Variants in HACD4 observed in about 807,000 individuals in gnomAD.
HACD4 encodes 3-hydroxyacyl-CoA dehydratase 4, also known as very-long-chain (3R)-3-hydroxyacyl-CoA dehydratase 4.
Under a neutral mutation model 33.3 loss-of-function variants are expected in HACD4, and 35 were observed. The ratio of observed to expected loss-of-function variants is 1.05; its 90% CI spans 0.80 to 1.39. The LOEUF (loss-of-function observed/expected upper bound fraction) is 1.39. Among genes scored for constraint, HACD4 ranks in the 40% most tolerant of loss-of-function variants. HACD4 has a pLI of 0.00. For synonymous variants in HACD4, 118 were observed against 98.0 expected (o/e 1.20, Z -1.21); for missense variants, 323 against 276.5 (o/e 1.17, Z -1.19).
chr9:21,008,130 T>A lies in HACD4; in HGVS notation c.507A>T (p.Gln169His). The A allele has an allele frequency of 6.2e-7, 1 of 1,606,292 alleles. No homozygotes were observed. Among genetic ancestry groups the A allele is most frequent in the African/African-American group, 1.3e-5 (1 of 74,540 alleles). The change falls in exon 6 of 7, where the codon CAA becomes CAT. Residue 169 changes from glutamine to histidine, a missense_variant. By Grantham distance (24) the Gln-to-His change is conservative. Coordinates refer to ENST00000495827, the MANE Select transcript of HACD4 (RefSeq NM_001010915.5). ...CAAATGATTCAAAATAAGGCAGCGATTGATAGATGGCAAATGCTGTTAAAA... is the reference window on the plus strand; with the variant it reads ...CAAATGATTCAAAATAAGGCAGCGAATGATAGATGGCAAATGCTGTTAAAA... ...CVLAEAFAIY[Q>H]SLPYFESFGT... is the part of the protein sequence containing the mutation.
intron 6 of HACD4, 126 bp downstream of exon 6, chr9:21,007,895 G>A (rs1842308462): frequency 1.3e-6 from 1 of 769,880 alleles, no homozygotes; most frequent in Non-Finnish European, 1.9e-6. Context: ...GCAAGATCTA[G>A]TTCATGATGT....
At chr9:21,027,099 C>T (rs1204543539) in intron 2 of HACD4, among the ~76,000 whole-genome samples, 1 of 152,176 alleles carries the variant, frequency 6.6e-6, no homozygotes, top group Non-Finnish European at 1.5e-5. Context: ...ACACTATGTG[C>T]TCACAGCTTC....
intron 4 of HACD4, among the ~76,000 whole-genome samples, chr9:21,013,660 CTTTAA>C (rs904306450): frequency 6.6e-6 from 1 of 152,094 alleles, no homozygotes; most frequent in Non-Finnish European, 1.5e-5. Flanking sequence ...TTATTTAGCT[CTTTAA>C]TTTTTTTCAA....
intron 1 of HACD4, among the ~76,000 whole-genome samples, chr9:21,030,270 A>G (rs1350370099): frequency 4.6e-5 from 1 of 21,918 alleles, no homozygotes; most frequent in Non-Finnish European, 1.7e-4. Flanking sequence ...GGCAACTTAC[A>G]AAAAAAAAAA....
At chr9:21,007,212 A>G in intron 6 of HACD4, 93 bp from the exon 7 acceptor site, 1 of 732,590 alleles carries the variant, frequency 1.4e-6, no homozygotes, top group African/African-American at 1.7e-5. Flanking sequence ...GTGCTGCCCA[A>G]ATCCAGGGAG....
Position 21,000,446 on chromosome 9 carries a change from G to C in HACD4, c.*6591C>G, listed in dbSNP as rs1178337374. 6.6e-6 allele frequency: 1 copy of C among 152,104 alleles called. No homozygotes were observed. The highest frequency in any genetic ancestry group is 2.4e-5 in the African/African-American group (1 of 41,436). The allele number at this position is 152,104 out of a possible 1,614,324, so 9.4% of individuals were successfully genotyped here. On this transcript the variant is annotated 3_prime_UTR_variant, in exon 7 of 7. Transcript: ENST00000495827. ...GTTCTCAAACTTTTCTGTGCATGAG[G>C]CTCATTTGAGGAGTCTATCAAAAGG...
In HACD4 at chr9:21,015,975, G is replaced by C. The variant is rs1442888446; in HGVS notation, c.306C>G (p.Ile102Met). ...TERIIILFVV[I>M]TSQEEVQEKY... ...TCTCTTGGACTTCCTCTTGACTGGT[G>C]ATCACCACAAAAAGGATGATTATTC... The change falls in exon 4 of 7, where the codon ATC (isoleucine) becomes ATG (methionine). Residue 102 changes from isoleucine to methionine, a missense_variant. By Grantham distance (10) the Ile-to-Met change is conservative. Transcript: ENST00000495827. The C allele has an allele frequency of 4.3e-6, 7 of 1,612,662 alleles. No homozygotes were observed. Among genetic ancestry groups the C allele is most frequent in the Non-Finnish European group, 5.9e-6 (7 of 1,179,146 alleles).
chr9:21,000,137 T>A lies in HACD4; in HGVS notation c.*6900A>T, dbSNP rs1377327396. On this transcript the variant is annotated 3_prime_UTR_variant, in exon 7 of 7. Transcript: ENST00000495827. ...TGAAGTAACAATAGACACCTACATG[T>A]ATGTGATGAATTAAGGCATACTTTT... 1 of 152,156 alleles carries A rather than the reference T, an allele frequency of 6.6e-6. No individual in the cohort carries two copies. The highest frequency in any genetic ancestry group is 1.5e-5 in the Non-Finnish European group (1 of 68,010). The allele number at this position is 152,156 out of a possible 1,614,324, so 9.4% of individuals were successfully genotyped here. A position where few individuals can be genotyped will look rare whatever the true frequency, so the allele number is the denominator to read the frequency against.
rs1238248098 is a variant in HACD4 at position 21,008,149 on chromosome 9, G to A, written c.491-3C>T. On this transcript the variant is annotated splice_region_variant and splice_polypyrimidine_tract_variant and intron_variant, in intron 5 of 6. Coordinates refer to ENST00000495827, the MANE Select transcript of HACD4 (RefSeq NM_001010915.5). ...CAGCGATTGATAGATGGCAAATGCT[G>A]TTAAAAAAGAAAGGCATCATAAAGG... The A allele has an allele frequency of 1.9e-6, 3 of 1,602,884 alleles. No homozygotes were observed. The highest frequency in any genetic ancestry group is 1.7e-5 in the Admixed American group (1 of 57,994).
intron 3 of HACD4, among the ~76,000 whole-genome samples, chr9:21,024,019 C>T (rs1230844851): frequency 1.3e-5 from 2 of 152,236 alleles, no homozygotes; most frequent in East Asian, 3.8e-4. Context: ...AGAATGATTA[C>T]ACAATCTGAA....
Position 21,015,783 on chromosome 9 carries a change from G to T in HACD4, c.383+115C>A, listed in dbSNP as rs1842540822. On this transcript the variant is annotated intron_variant, in intron 4 of 6. Transcript: ENST00000495827. Reference sequence around the variant, plus strand: ...TTTCCATATCAAGATAAAATAATTTGAAAAGGGGTTATGTTTTCCTCTCTC... The same window carrying T: ...TTTCCATATCAAGATAAAATAATTTTAAAAGGGGTTATGTTTTCCTCTCTC... The T allele has an allele frequency of 1.0e-5, 6 of 573,326 alleles. No homozygotes were observed. In the Admixed American group the frequency reaches 1.3e-4, roughly 12 times the overall value. The allele number at this position is 573,326 out of a possible 1,614,324, so 35.5% of individuals were successfully genotyped here.
chr9:21,009,603 G>C (rs1402185340), intron 5 of HACD4, among the ~76,000 whole-genome samples: 3 of 152,060 alleles, frequency 2.0e-5, no homozygotes, highest in Non-Finnish European at 4.4e-5. Context: ...GTGATATTTT[G>C]ATATATGTGT....
At chr9:21,011,066 G>T (rs1238225631) in intron 5 of HACD4, among the ~76,000 whole-genome samples, 1 of 152,104 alleles carries the variant, frequency 6.6e-6, no homozygotes, top group Non-Finnish European at 1.5e-5. Context: ...TAGTTTGGGG[G>T]CCCCTGCTAT....
At position 21,000,317 on chromosome 9, in the gene HACD4, AAAT is replaced by A. The variant is rs1842148280; in HGVS notation, c.*6717_*6719del. The A allele has an allele frequency of 6.6e-6, 1 of 152,212 alleles. No homozygotes were observed. The highest frequency in any genetic ancestry group is 1.5e-5 in the Non-Finnish European group (1 of 68,024). 9.4% of individuals were successfully genotyped at this position (152,212 alleles called of 1,614,324 possible). On this transcript the variant is annotated 3_prime_UTR_variant, in exon 7 of 7. Transcript: ENST00000495827. ...ATTTAAGGATTTTTAAAGCCATAAAAAATCATCCCTGTTCTGAAAACATTGGTG... is the reference window on the plus strand; with the variant it reads ...ATTTAAGGATTTTTAAAGCCATAAAACATCCCTGTTCTGAAAACATTGGTG...
At chr9:21,025,617 A>C (rs1015652385) in intron 3 of HACD4, among the ~76,000 whole-genome samples, 20 of 152,334 alleles carry the variant, frequency 1.3e-4, no homozygotes, top group Middle Eastern at 3.4e-3. Flanking sequence ...AGAAAGGGAC[A>C]ACTATATGAG....
chr9:21,023,672 T>C (rs1334831685), intron 3 of HACD4, among the ~76,000 whole-genome samples: 3 of 151,840 alleles, frequency 2.0e-5, no homozygotes, highest in Non-Finnish European at 4.4e-5. Flanking sequence ...CCTCCAGGGT[T>C]CAAGTGATTC....
intron 3 of HACD4, among the ~76,000 whole-genome samples, chr9:21,022,337 C>A (rs1373381619): frequency 6.6e-6 from 1 of 152,170 alleles, no homozygotes; most frequent in East Asian, 1.9e-4. Flanking sequence ...ATGACTAAAA[C>A]ACCAAAAGCA....
chr9:21,029,546 T>A, intron 1 of HACD4, 148 bp from the exon 2 acceptor site: 1 of 475,676 alleles, frequency 2.1e-6, no homozygotes, highest in Non-Finnish European at 3.8e-6. Context: ...CCCAAGTACA[T>A]ATCAGATTTT....
rs567957799 is a variant in HACD4, at chr9:21,008,234, T to A, written c.491-88A>T. The A allele has an allele frequency of 2.7e-5, 31 of 1,155,896 alleles. No individual in the cohort carries two copies. The African/African-American group carries it at 4.6e-4, about 17-fold the overall frequency. The allele number at this position is 1,155,896 out of a possible 1,614,324, so 71.6% of individuals were successfully genotyped here. A position where few individuals can be genotyped will look rare whatever the true frequency, so the allele number is the denominator to read the frequency against. ...TATGTCTTCATAGTTGTAGGATATT[T>A]TGAATTTGATAATGACAGTTTTGTA... is the stretch of plus-strand genomic sequence containing the variant. On this transcript the variant is annotated intron_variant, in intron 5 of 6. Transcript: ENST00000495827.
Sources: allele counts gnomAD v4.1 joint callset (sites outside exome capture counted in the v4.1 genomes callset), GRCh38; gene constraint gnomAD v4.1.1; transcripts MANE v1.5; gene names NCBI Gene and HGNC (gene_info 2026-07-23, HGNC 2026-07-21).